Variants in DIS3L2 observed in about 807,000 individuals in gnomAD.
The protein encoded by DIS3L2 is DIS3 like 3'-5' exoribonuclease 2, also known as DIS3-like exonuclease 2.
DIS3L2 carries 34 observed loss-of-function variants against 97.5 expected under a neutral mutation model. That is an observed-to-expected ratio of 0.35 (90% CI 0.27 to 0.46). DIS3L2 has a LOEUF of 0.46. Among genes scored for constraint, DIS3L2 ranks in the 20% least tolerant of loss-of-function variants. The pLI, the probability that DIS3L2 is intolerant of heterozygous loss-of-function variation, is 1.00. For synonymous variants in DIS3L2, 435 were observed against 445.2 expected (o/e 0.98, Z 0.29); for missense variants, 1,038 against 1,146.0 (o/e 0.91, Z 1.36).
intron 12 of DIS3L2, among the ~76,000 whole-genome samples, chr2:232,257,799 A>G (rs1693605624): frequency 6.6e-6 from 1 of 152,252 alleles, no homozygotes; most frequent in African/African-American, 2.4e-5. Context: ...CAATATAGAA[A>G]GTTGATGTGT....
At chr2:232,239,821 C>G (rs1693030191) in intron 11 of DIS3L2, among the ~76,000 whole-genome samples, 1 of 152,248 alleles carries the variant, frequency 6.6e-6, no homozygotes, top group Non-Finnish European at 1.5e-5. Flanking sequence ...TCTAGGATTT[C>G]TGGTATTTAC....
chr2:232,209,354 CAGAGG>C (rs1692124213), intron 9 of DIS3L2, among the ~76,000 whole-genome samples: 2 of 152,106 alleles, frequency 1.3e-5, no homozygotes, highest in African/African-American at 2.4e-5. Context: ...AGGTTTTGAA[CAGAGG>C]AGCAACACCA....
At position 231,977,248 on chromosome 2, in the gene DIS3L2, C is replaced by G. The variant is rs562238731; in HGVS notation, c.-94+15483C>G. On this transcript the variant is annotated intron_variant, in intron 1 of 20. Coordinates refer to ENST00000325385, the MANE Select transcript of DIS3L2 (RefSeq NM_152383.5). Reference sequence around the variant, plus strand: ...CCATCATAAGTTGAGGACCGTCTGTCTGTACAATCTTATATATAATTAATT... The same window carrying G: ...CCATCATAAGTTGAGGACCGTCTGTGTGTACAATCTTATATATAATTAATT... Among the ~76,000 whole-genome samples the G allele has an allele frequency of 5.3e-5, 8 of 151,978 alleles. No homozygotes were observed. The East Asian group carries it at 9.6e-4, about 18-fold the overall frequency.
intron 9 of DIS3L2, among the ~76,000 whole-genome samples, chr2:232,207,697 C>T (rs1692069175): frequency 6.6e-6 from 1 of 152,160 alleles, no homozygotes; most frequent in Admixed American, 6.5e-5. Context: ...ACCTACCTTT[C>T]CCTGCCCTAT....
At position 232,106,816 on chromosome 2, in the gene DIS3L2, C is replaced by T. The variant is rs146679797; in HGVS notation, c.601+19095C>T. ...AACAGAATATACATTATTCTTATTG[C>T]CACATGGCACTTATTCTAAAATTGA... On this transcript the variant is annotated intron_variant, in intron 6 of 20. Transcript: ENST00000325385. Among the ~76,000 whole-genome samples the T allele has an allele frequency of 4.0e-4, 61 of 152,308 alleles. 1 individual carries two copies. Among genetic ancestry groups the T allele is most frequent in the African/African-American group, 1.4e-3 (59 of 41,580 alleles).
intron 6 of DIS3L2, among the ~76,000 whole-genome samples, chr2:232,096,546 A>G (rs563879790): frequency 6.6e-6 from 1 of 152,250 alleles, no homozygotes; most frequent in South Asian, 2.1e-4. Flanking sequence ...TTTAAAGCCA[A>G]TAACTCGTAG....
intron 6 of DIS3L2, among the ~76,000 whole-genome samples, chr2:232,121,854 C>T (rs945748726): frequency 6.6e-6 from 1 of 152,170 alleles, no homozygotes; most frequent in African/African-American, 2.4e-5. Flanking sequence ...TCCCCACTTC[C>T]CCACTAGCAT....
intron 1 of DIS3L2, among the ~76,000 whole-genome samples, chr2:232,012,381 G>A (rs929783198): frequency 6.6e-6 from 1 of 152,144 alleles, no homozygotes; most frequent in Non-Finnish European, 1.5e-5. Context: ...CTGATCTAGG[G>A]ACACTGGAAT....
At chr2:232,295,374 C>T (rs533651304) in intron 13 of DIS3L2, among the ~76,000 whole-genome samples, 7 of 152,338 alleles carry the variant, frequency 4.6e-5, no homozygotes, top group African/African-American at 1.4e-4. Flanking sequence ...TAAATCCCCC[C>T]TGCCCAATCC....
chr2:232,262,906 C>T (rs1693748118), intron 12 of DIS3L2, among the ~76,000 whole-genome samples: 1 of 152,140 alleles, frequency 6.6e-6, no homozygotes. Context: ...GCCCACTCAC[C>T]GAAACTAATG....
At chr2:232,282,953 G>A (rs1369314426) in intron 13 of DIS3L2, among the ~76,000 whole-genome samples, 1 of 152,172 alleles carries the variant, frequency 6.6e-6, no homozygotes, top group African/African-American at 2.4e-5. Flanking sequence ...TTTCCATCCT[G>A]GAGTCTTGCA....
Position 232,296,446 on chromosome 2 carries a change from G to T in DIS3L2, c.1660-3594G>T, listed in dbSNP as rs200944214. On this transcript the variant is annotated intron_variant, in intron 13 of 20. Coordinates refer to ENST00000325385, the MANE Select transcript of DIS3L2 (RefSeq NM_152383.5). The stretch of plus-strand genomic sequence containing the variant: ...AAGCCTTTACTTGGTAGGTGATATG[G>T]TTTGGCTCTGTGTCCCCACTCAAAT... Among the ~76,000 whole-genome samples the T allele has an allele frequency of 1.5e-4, 23 of 152,342 alleles. No homozygotes were observed. The East Asian group carries it at 3.9e-3, about 26-fold the overall frequency.
At chr2:232,083,073 C>CT (rs1402144068) in intron 5 of DIS3L2, among the ~76,000 whole-genome samples, 1 of 151,442 alleles carries the variant, frequency 6.6e-6, no homozygotes, top group East Asian at 1.9e-4. Flanking sequence ...GACCCACCCC[C>CT]CCATGATTCA....
At chr2:232,250,538 T>G (rs1472934331) in intron 12 of DIS3L2, among the ~76,000 whole-genome samples, 1 of 151,706 alleles carries the variant, frequency 6.6e-6, no homozygotes, top group African/African-American at 2.4e-5. Flanking sequence ...AATTCAGAAA[T>G]TGACAGTACC....
intron 14 of DIS3L2, among the ~76,000 whole-genome samples, chr2:232,316,654 C>T (rs1010632132): frequency 6.6e-6 from 1 of 152,242 alleles, no homozygotes; most frequent in African/African-American, 2.4e-5. Flanking sequence ...CCCACCTCTG[C>T]GCTGGCTGCC....
At chr2:232,024,382 T>G (rs1312822557) in intron 4 of DIS3L2, 52 bp downstream of exon 4, 3 of 1,388,106 alleles carry the variant, frequency 2.2e-6, no homozygotes, top group Non-Finnish European at 3.0e-6. Flanking sequence ...ATTTTTTAGA[T>G]CTGCTCCGAA....
chr2:231,998,092 C>A (rs183717716), intron 1 of DIS3L2, among the ~76,000 whole-genome samples: 27 of 152,224 alleles, frequency 1.8e-4, no homozygotes, highest in Non-Finnish European at 3.5e-4. Flanking sequence ...TTTAGCAGGT[C>A]CCTCAATTTG....
intron 5 of DIS3L2, among the ~76,000 whole-genome samples, chr2:232,054,692 G>A (rs986221439): frequency 1.3e-5 from 2 of 152,130 alleles, no homozygotes; most frequent in Non-Finnish European, 2.9e-5. Flanking sequence ...GCTTCCAAAT[G>A]TTTAAAACAG....
At chr2:232,262,818 G>C (rs1015898917) in intron 12 of DIS3L2, among the ~76,000 whole-genome samples, 8 of 152,094 alleles carry the variant, frequency 5.3e-5, no homozygotes, top group Non-Finnish European at 1.2e-4. Context: ...CATCCGAGCT[G>C]TTCCCAAGCC....
Sources: allele counts gnomAD v4.1 joint callset (sites outside exome capture counted in the v4.1 genomes callset), GRCh38; gene constraint gnomAD v4.1.1; transcripts MANE v1.5; gene names NCBI Gene and HGNC (gene_info 2026-07-23, HGNC 2026-07-21).